Variants in IL1RAPL1 observed in about 807,000 individuals in gnomAD.
IL1RAPL1 encodes interleukin-1 receptor accessory protein-like 1.
In IL1RAPL1, 3 loss-of-function variants were observed where a neutral mutation model predicts 48.4. That is an observed-to-expected ratio of 0.06 (90% CI 0.03 to 0.16). IL1RAPL1 has a LOEUF of 0.16. IL1RAPL1 is among the 10% of genes least tolerant of loss of function. The pLI, the probability that IL1RAPL1 is intolerant of heterozygous loss-of-function variation, is 1.00. For missense variants in IL1RAPL1, 349 were observed against 530.6 expected (o/e 0.66, Z 3.36); for synonymous variants, 185 against 187.7 (o/e 0.99, Z 0.12).
At chrX:29,034,574 C>T (rs1373138063) in intron 2 of IL1RAPL1, among the ~76,000 whole-genome samples, 1 of 111,898 alleles carries the variant, frequency 8.9e-6, no homozygotes, top group Non-Finnish European at 1.9e-5. Context: ...TTTCAATAGA[C>T]TTTTAATATT....
chrX:29,486,818 G>T (rs762735250), intron 5 of IL1RAPL1, among the ~76,000 whole-genome samples: 4 of 110,608 alleles, frequency 3.6e-5, no homozygotes, highest in Non-Finnish European at 7.6e-5. Flanking sequence ...ATAATCTCAT[G>T]AAATTTTTAG....
intron 6 of IL1RAPL1, among the ~76,000 whole-genome samples, chrX:29,808,130 A>C (rs1455202555): frequency 8.9e-6 from 1 of 111,990 alleles, no homozygotes; most frequent in Non-Finnish European, 1.9e-5. Flanking sequence ...TACATCCTTA[A>C]GAAAATAATT....
intron 6 of IL1RAPL1, among the ~76,000 whole-genome samples, chrX:29,845,057 C>T (rs1204440053): frequency 1.8e-5 from 2 of 111,945 alleles, no homozygotes; most frequent in East Asian, 2.8e-4. Context: ...CCAGAAGTAA[C>T]GAATCCTATA....
intron 2 of IL1RAPL1, among the ~76,000 whole-genome samples, chrX:28,873,523 CTTTTTTTTTTT>C (rs10554661): frequency 1.6e-4 from 9 of 56,677 alleles, no homozygotes; most frequent in African/African-American, 5.7e-4. Flanking sequence ...TTCTTTCTTT[CTTTTTTTTTTT>C]TTTTTTTTTT....
intron 1 of IL1RAPL1, among the ~76,000 whole-genome samples, chrX:28,643,366 G>C (rs1272574599): frequency 1.8e-5 from 2 of 110,998 alleles, no homozygotes; most frequent in Non-Finnish European, 3.8e-5. Flanking sequence ...GGTTAAGAGA[G>C]GACTTTTGGA....
At chrX:29,550,514 T>C (rs1340077676) in intron 5 of IL1RAPL1, among the ~76,000 whole-genome samples, 2 of 112,146 alleles carry the variant, frequency 1.8e-5, no homozygotes, top group Non-Finnish European at 3.8e-5. Context: ...AAGTAAAGTA[T>C]ATGTATTCCA....
chrX:28,819,314 G>T (rs1936903737), intron 2 of IL1RAPL1, among the ~76,000 whole-genome samples: 1 of 111,392 alleles, frequency 9.0e-6, no homozygotes, highest in South Asian at 3.6e-4. Flanking sequence ...GTGCATGTTT[G>T]TGTGTTGCAG....
chrX:29,326,395 C>G, intron 3 of IL1RAPL1, among the ~76,000 whole-genome samples: 1 of 112,332 alleles, frequency 8.9e-6, no homozygotes, highest in Non-Finnish European at 1.9e-5. Context: ...TGAATTTGAA[C>G]TTACATCAAA....
Position 28,615,915 on chromosome X carries a change from A to G in IL1RAPL1, c.-25+27868A>G, listed in dbSNP as rs5985882. On this transcript the variant is annotated intron_variant, in intron 1 of 10. Transcript: ENST00000378993. ...CTACCACCAGCATTCAAGCTGCATT[A>G]AACTAAAATGTCAAAAATACTTAAA... is the stretch of plus-strand genomic sequence containing the variant. 7.7e-3 allele frequency among the ~76,000 whole-genome samples: 860 copies of G among 112,206 alleles called. 8 individuals carry two copies. Among genetic ancestry groups the G allele is most frequent in the African/African-American group, 0.024 (742 of 30,892 alleles).
At chrX:29,622,692 A>AT (rs1924497232) in intron 5 of IL1RAPL1, among the ~76,000 whole-genome samples, 1 of 111,169 alleles carries the variant, frequency 9.0e-6, no homozygotes, top group Admixed American at 9.6e-5. Context: ...TCTGAAGAGT[A>AT]TTTTTTTAAT....
intron 5 of IL1RAPL1, among the ~76,000 whole-genome samples, chrX:29,634,446 G>A (rs900681402): frequency 1.8e-5 from 2 of 111,406 alleles, no homozygotes; most frequent in Admixed American, 1.9e-4. Context: ...GTGAGTTACT[G>A]TACTCAAACA....
intron 5 of IL1RAPL1, among the ~76,000 whole-genome samples, chrX:29,483,799 C>T (rs376630745): frequency 1.8e-5 from 2 of 109,634 alleles, no homozygotes; most frequent in African/African-American, 6.7e-5. Flanking sequence ...TCAAGCCATC[C>T]TTCCACCTCA....
chrX:29,931,903 T>A (rs1269507982), intron 8 of IL1RAPL1, among the ~76,000 whole-genome samples: 1 of 112,625 alleles, frequency 8.9e-6, no homozygotes, highest in African/African-American at 3.2e-5. Context: ...TAACATTCCA[T>A]CTGTGCCTGT....
intron 9 of IL1RAPL1, among the ~76,000 whole-genome samples, chrX:29,948,895 CAGTA>C (rs1933262195): frequency 9.1e-6 from 1 of 109,315 alleles, no homozygotes; most frequent in Non-Finnish European, 1.9e-5. Flanking sequence ...GACAACTATT[CAGTA>C]AGTGTTTAGA....
chrX:28,953,738 A>T (rs1178037608), intron 2 of IL1RAPL1, among the ~76,000 whole-genome samples: 2 of 110,897 alleles, frequency 1.8e-5, no homozygotes, highest in Non-Finnish European at 3.8e-5. Flanking sequence ...TTTTTACATT[A>T]ATTACTGGAG....
intron 5 of IL1RAPL1, among the ~76,000 whole-genome samples, chrX:29,582,396 AT>A (rs757912162): frequency 6.7e-4 from 64 of 95,912 alleles, no homozygotes; most frequent in South Asian, 2.3e-3. Context: ...TTTATTTTTT[AT>A]TTTTTTTTAT....
rs1031232825 is a variant in IL1RAPL1 at position 29,032,625 on chromosome X, ATATTG to A, written c.82+243208_82+243212del. Among the ~76,000 whole-genome samples, 67 of 112,663 alleles carry A rather than the reference ATATTG, an allele frequency of 5.9e-4. 1 individual carries two copies. The highest frequency in any genetic ancestry group is 2.1e-3 in the African/African-American group (64 of 31,082). On this transcript the variant is annotated intron_variant, in intron 2 of 10. Coordinates refer to ENST00000378993, the MANE Select transcript of IL1RAPL1 (RefSeq NM_014271.4). Reference sequence around the variant, plus strand: ...ATGGATCAATAACAAATTCTTGCACATATTGTATTGTACATATTTCTTCTATAACT... The same window carrying A: ...ATGGATCAATAACAAATTCTTGCACATATTGTACATATTTCTTCTATAACT...
intron 2 of IL1RAPL1, among the ~76,000 whole-genome samples, chrX:29,179,684 G>A (rs1930103795): frequency 9.0e-6 from 1 of 111,657 alleles, no homozygotes; most frequent in Non-Finnish European, 1.9e-5. Flanking sequence ...ATTACTGAAC[G>A]CATGCTGAGT....
intron 6 of IL1RAPL1, among the ~76,000 whole-genome samples, chrX:29,896,186 A>G (rs1256194928): frequency 8.9e-6 from 1 of 112,424 alleles, no homozygotes; most frequent in Non-Finnish European, 1.9e-5. Flanking sequence ...AGTGTGCTGT[A>G]TGTTTAAGGA....
Sources: allele counts gnomAD v4.1 joint callset (sites outside exome capture counted in the v4.1 genomes callset), GRCh38; gene constraint gnomAD v4.1.1; transcripts MANE v1.5; gene names NCBI Gene and HGNC (gene_info 2026-07-23, HGNC 2026-07-21).